SEMA3E: variants seen among roughly 807,000 people sequenced by gnomAD.
SEMA3E encodes semaphorin-3E.
In SEMA3E, 49 loss-of-function variants were observed where a neutral mutation model predicts 93.6. That is an observed-to-expected ratio of 0.52 (90% CI 0.42 to 0.66). The LOEUF is 0.66. Ranked by LOEUF, SEMA3E falls within the 30% of genes least tolerant of loss-of-function variation. SEMA3E has a pLI of 0.00. For missense variants in SEMA3E, 906 were observed against 964.8 expected (o/e 0.94, Z 0.81); for synonymous variants, 363 against 330.7 (o/e 1.10, Z -1.06).
At chr7:83,645,489 T>C (rs1794067366) in intron 1 of SEMA3E, among the ~76,000 whole-genome samples, 1 of 152,072 alleles carries the variant, frequency 6.6e-6, no homozygotes, top group African/African-American at 2.4e-5. Context: ...ATTTACCTTG[T>C]AACTAGAAAA....
intron 1 of SEMA3E, among the ~76,000 whole-genome samples, chr7:83,605,825 C>T (rs910305177): frequency 6.6e-6 from 1 of 152,034 alleles, no homozygotes; most frequent in South Asian, 2.1e-4. Flanking sequence ...TGTTTAAGTT[C>T]CTTGTAGATT....
intron 4 of SEMA3E, among the ~76,000 whole-genome samples, chr7:83,446,677 A>G (rs1278512483): frequency 6.6e-6 from 1 of 152,212 alleles, no homozygotes; most frequent in African/African-American, 2.4e-5. Context: ...TAGTTTTACA[A>G]AGTGCATCAA....
rs1248117886 is a variant in SEMA3E at position 83,363,871 on chromosome 7, T to C, written c.*3715A>G. On this transcript the variant is annotated 3_prime_UTR_variant, in exon 17 of 17. Transcript: ENST00000643230. Reference sequence around the variant, plus strand: ...TCACAGGTCAATTCATTTTTTTTTTTTTTTTTTTTTTTTTTTTTTTTTTTT... The same window carrying C: ...TCACAGGTCAATTCATTTTTTTTTTCTTTTTTTTTTTTTTTTTTTTTTTTT... 2,917 of 12,490 alleles carry C rather than the reference T, an allele frequency of 0.23. 259 individuals carry two copies. Among genetic ancestry groups the C allele is most frequent in the African/African-American group, 0.31 (2,754 of 8,806 alleles). The allele number at this position is 12,490 out of a possible 1,614,324, so 0.8% of individuals were successfully genotyped here. A position where few individuals can be genotyped will look rare whatever the true frequency, so the allele number is the denominator to read the frequency against.
At chr7:83,636,097 A>G (rs1202261356) in intron 1 of SEMA3E, among the ~76,000 whole-genome samples, 2 of 152,174 alleles carry the variant, frequency 1.3e-5, no homozygotes, top group African/African-American at 4.8e-5. Context: ...AAGTGGGAAG[A>G]AAAGTTGAGT....
At chr7:83,385,190 G>C (rs1166753097) in intron 16 of SEMA3E, 104 bp downstream of exon 16, 6 of 1,279,972 alleles carry the variant, frequency 4.7e-6, no homozygotes, top group African/African-American at 1.5e-5. Flanking sequence ...GGCATGCATA[G>C]TACAACAGCT....
intron 3 of SEMA3E, among the ~76,000 whole-genome samples, chr7:83,468,338 C>T (rs1789816079): frequency 6.6e-6 from 1 of 152,174 alleles, no homozygotes; most frequent in Admixed American, 6.5e-5. Context: ...ACCTGCACTT[C>T]CTCTCTTGAC....
intron 16 of SEMA3E, among the ~76,000 whole-genome samples, chr7:83,382,990 G>A (rs1425443326): frequency 6.6e-6 from 1 of 151,914 alleles, no homozygotes; most frequent in East Asian, 1.9e-4. Context: ...TAACTCCAGA[G>A]GGCTGAGTTT....
intron 1 of SEMA3E, among the ~76,000 whole-genome samples, chr7:83,545,234 A>G (rs1791620517): frequency 1.3e-5 from 2 of 152,070 alleles, no homozygotes; most frequent in Admixed American, 1.3e-4. Context: ...GGCATAGCCC[A>G]TCTAGAACTA....
chr7:83,518,937 AC>A (rs1790988595), intron 1 of SEMA3E, among the ~76,000 whole-genome samples: 1 of 151,756 alleles, frequency 6.6e-6, no homozygotes, highest in African/African-American at 2.4e-5. Context: ...TTTCTTTTTT[AC>A]TTGTATAATC....
At chr7:83,515,895 C>T (rs767110456) in intron 1 of SEMA3E, among the ~76,000 whole-genome samples, 3 of 152,078 alleles carry the variant, frequency 2.0e-5, no homozygotes, top group Non-Finnish European at 4.4e-5. Flanking sequence ...AGTGTGGTGG[C>T]GGGTGCCTGT....
intron 1 of SEMA3E, among the ~76,000 whole-genome samples, chr7:83,598,764 C>A (rs1792926612): frequency 6.6e-6 from 1 of 152,116 alleles, no homozygotes; most frequent in African/African-American, 2.4e-5. Context: ...ATTGTGACAC[C>A]CCTTGGTGTT....
chr7:83,512,417 T>C (rs375080769), intron 1 of SEMA3E, among the ~76,000 whole-genome samples: 138 of 152,286 alleles, frequency 9.1e-4, no homozygotes, highest in Middle Eastern at 6.8e-3. Flanking sequence ...AATAGAGAAC[T>C]CTTGAAATAC....
At chr7:83,501,284 T>C (rs1048729469) in intron 1 of SEMA3E, among the ~76,000 whole-genome samples, 4 of 152,212 alleles carry the variant, frequency 2.6e-5, no homozygotes, top group African/African-American at 9.6e-5. Flanking sequence ...TGAACAAAGT[T>C]AGCTAATGTG....
intron 1 of SEMA3E, 127 bp downstream of exon 1, chr7:83,648,301 T>A: frequency 1.4e-6 from 1 of 690,642 alleles, no homozygotes. Context: ...TTGCAATAAA[T>A]TTTTCAGGTG....
chr7:83,507,914 C>A (rs1185473741), intron 1 of SEMA3E, among the ~76,000 whole-genome samples: 2 of 152,082 alleles, frequency 1.3e-5, no homozygotes, highest in Non-Finnish European at 2.9e-5. Context: ...CACACCACTG[C>A]ACTCCAGCCT....
chr7:83,431,149 A>C (rs1317287300), intron 4 of SEMA3E, among the ~76,000 whole-genome samples: 5 of 151,268 alleles, frequency 3.3e-5, no homozygotes, highest in Non-Finnish European at 4.4e-5. Flanking sequence ...ATAATATAGT[A>C]GGATATTTTT....
chr7:83,385,560 G>A (rs1787862455), intron 15 of SEMA3E, 127 bp from the exon 16 acceptor site: 1 of 1,035,264 alleles, frequency 9.7e-7, no homozygotes, highest in African/African-American at 1.6e-5. Flanking sequence ...TCTGCAAAAG[G>A]TAATTTAAAG....
intron 1 of SEMA3E, among the ~76,000 whole-genome samples, chr7:83,517,039 A>G (rs1253317835): frequency 2.0e-5 from 3 of 152,034 alleles, no homozygotes; most frequent in Admixed American, 2.0e-4. Flanking sequence ...ACTGGATACA[A>G]TCTACCCTTG....
rs751823565 is a variant in SEMA3E, at chr7:83,635,405, T to A, written c.115+13023A>T. On this transcript the variant is annotated intron_variant, in intron 1 of 16. Transcript: ENST00000643230. ...TTATCTTTAGTTTCTAAAAATAAAA[T>A]AATCCAGTGCTTCCCATTTCTATTT... 5.5e-4 allele frequency among the ~76,000 whole-genome samples: 84 copies of A among 151,836 alleles called. 1 individual carries two copies. The highest frequency in any genetic ancestry group is 1.0e-3 in the Non-Finnish European group (68 of 67,854).
Sources: gnomAD v4.1 joint callset for allele counts (sites outside exome capture counted in the v4.1 genomes callset) on GRCh38, gnomAD v4.1.1 for gene constraint, MANE v1.5 for transcripts, NCBI Gene and HGNC (gene_info 2026-07-23, HGNC 2026-07-21) for gene names.